GSTO2: variants seen among roughly 807,000 people sequenced by gnomAD.
GSTO2 encodes the protein glutathione S-transferase omega 2.
A neutral mutation model predicts 28.4 loss-of-function variants in GSTO2; 23 were observed. The ratio of observed to expected loss-of-function variants is 0.81; its 90% CI spans 0.58 to 1.15. The LOEUF is 1.15. Among genes scored for constraint, GSTO2 ranks in the 50% most tolerant of loss-of-function variants. The pLI, the probability that GSTO2 is intolerant of heterozygous loss-of-function variation, is 0.00. For missense variants in GSTO2, 298 were observed against 297.8 expected (o/e 1.00, Z 0.00); for synonymous variants, 109 against 111.0 (o/e 0.98, Z 0.11).
Position 104,274,760 on chromosome 10 carries a change from T to C in GSTO2, c.-156T>C. 3.4e-6 allele frequency: 3 copies of C among 875,988 alleles called. No homozygotes were observed. The highest frequency in any genetic ancestry group is 5.0e-5 in the Admixed American group (2 of 39,680). 54.3% of individuals were successfully genotyped at this position (875,988 alleles called of 1,614,324 possible). A position where few individuals can be genotyped will look rare whatever the true frequency, so the allele number is the denominator to read the frequency against. On this transcript the variant is annotated 5_prime_UTR_variant, in exon 2 of 7. Coordinates refer to ENST00000338595, the MANE Select transcript of GSTO2 (RefSeq NM_183239.2). ...TACCCTAGCTCCTGCTCCAGATCGCTTCCCCGTGCCCCGCCAGAGCCCAGT... is the reference window on the plus strand; with the variant it reads ...TACCCTAGCTCCTGCTCCAGATCGCCTCCCCGTGCCCCGCCAGAGCCCAGT...
chr10:104,274,753 A>T lies in GSTO2; in HGVS notation c.-163A>T. The T allele has an allele frequency of 2.5e-6, 2 of 808,452 alleles. No individual in the cohort carries two copies. The highest frequency in any genetic ancestry group is 4.0e-6 in the Non-Finnish European group (2 of 496,906). 50.1% of individuals were successfully genotyped at this position (808,452 alleles called of 1,614,324 possible). On this transcript the variant is annotated 5_prime_UTR_variant, in exon 2 of 7. Transcript: ENST00000338595. ...GTTAAATTACCCTAGCTCCTGCTCC[A>T]GATCGCTTCCCCGTGCCCCGCCAGA...
At chr10:104,281,635 C>T (rs1373423462) in intron 5 of GSTO2, among the ~76,000 whole-genome samples, 1 of 152,200 alleles carries the variant, frequency 6.6e-6, no homozygotes, top group Admixed American at 6.5e-5. Context: ...TACATCATCT[C>T]ATTCAATCTT....
At chr10:104,291,481 A>G (rs930318439) in intron 5 of GSTO2, 2 of 150,510 alleles carry the variant, frequency 1.3e-5, no homozygotes, top group Non-Finnish European at 2.9e-5. Flanking sequence ...TCTCGCGAAA[A>G]CTGCAGATTT....
rs762446344 is a variant in GSTO2 at position 104,275,285 on chromosome 10, T to TA, written c.94_95insA (p.Cys32Ter). 3.1e-6 allele frequency: 5 copies of TA among 1,614,116 alleles called. No homozygotes were observed. The highest frequency in any genetic ancestry group is 4.5e-5 in the East Asian group (2 of 44,872). Reference sequence around the variant, plus strand: ...GATCCGCATCTACAGCATGAGGTTCTGCCCCTATTCTCACAGGACCCGCCT... The same window carrying TA: ...GATCCGCATCTACAGCATGAGGTTCTAGCCCCTATTCTCACAGGACCCGCCT... ...GLIRIYSMRF[C>*]PYSHRTRLVL... The change falls in exon 3 of 7, where the codon TGC (cysteine) becomes TAGC (stop). Residue 32 changes from cysteine to a stop codon, truncating the protein, a stop_gained and frameshift_variant. Transcript: ENST00000338595. LOFTEE classifies it high-confidence loss of function.
intron 1 of GSTO2, among the ~76,000 whole-genome samples, chr10:104,274,446 GTACT>G (rs1033336847): frequency 2.0e-5 from 3 of 152,176 alleles, no homozygotes; most frequent in African/African-American, 7.2e-5. Context: ...TTTTAAAGCT[GTACT>G]TACTTACCAA....
intron 5 of GSTO2, among the ~76,000 whole-genome samples, chr10:104,287,767 G>A (rs929471943): frequency 5.9e-5 from 9 of 151,630 alleles, no homozygotes; most frequent in African/African-American, 2.2e-4. Context: ...AAGTGGTTAA[G>A]GGCAGGGACC....
intron 5 of GSTO2, among the ~76,000 whole-genome samples, chr10:104,282,760 GT>G (rs1308903160): frequency 6.6e-6 from 1 of 152,122 alleles, no homozygotes; most frequent in Non-Finnish European, 1.5e-5. Context: ...TGGTTTCCAA[GT>G]TTGTGGCCGG....
chr10:104,292,964 A>C lies in GSTO2; in HGVS notation c.469-4614A>C, dbSNP rs147576674. The stretch of plus-strand genomic sequence containing the variant: ...ATTTTGCCTCTGCCTCTATCCTAAA[A>C]TTTTTTCAGAGGGGTAAATGCAAGG... On this transcript the variant is annotated intron_variant, in intron 5 of 6. Coordinates refer to ENST00000338595, the MANE Select transcript of GSTO2 (RefSeq NM_183239.2). Among the ~76,000 whole-genome samples the C allele has an allele frequency of 5.4e-3, 816 of 152,308 alleles. 26 individuals are homozygous for C. The highest frequency in any genetic ancestry group is 0.05 in the Admixed American group (758 of 15,288).
At position 104,277,992 on chromosome 10, in the gene GSTO2, A is replaced by C. The variant is rs1173132656; in HGVS notation, c.242A>C (p.Gln81Pro). The change falls in exon 4 of 7, where the codon CAA becomes CCA. Residue 81 changes from glutamine to proline, a missense_variant. Physicochemically the swap from Gln to Pro is moderately conservative, Grantham distance 76 (BLOSUM62 -1). Transcript: ENST00000338595. ...CCTGTCCTGGAGACCAGCCAATGTC[A>C]ACTGATCTATGAATCTGTTATTGCT... is the stretch of plus-strand genomic sequence containing the variant. ...HIPVLETSQC[Q>P]LIYESVIACE... 6.2e-7 allele frequency: 1 copy of C among 1,614,040 alleles called. No homozygotes were observed. The highest frequency in any genetic ancestry group is 2.2e-5 in the East Asian group (1 of 44,884).
chr10:104,303,915 T>C lies in GSTO2; in HGVS notation c.*4631T>C, dbSNP rs1054597489. ...ACATTGTTTCTTGGAGCTTTGGTGG[T>C]GGTAGGGGTGGCAGGGGCAGGTGTT... On this transcript the variant is annotated 3_prime_UTR_variant, in exon 7 of 7. Coordinates refer to ENST00000338595, the MANE Select transcript of GSTO2 (RefSeq NM_183239.2). The C allele has an allele frequency of 3.9e-5, 6 of 152,212 alleles. No individual in the cohort carries two copies. Among genetic ancestry groups the C allele is most frequent in the African/African-American group, 1.4e-4 (6 of 41,440 alleles). 9.4% of individuals were successfully genotyped at this position (152,212 alleles called of 1,614,324 possible).
intron 3 of GSTO2, among the ~76,000 whole-genome samples, chr10:104,275,654 C>T (rs1282470371): frequency 6.6e-6 from 1 of 152,138 alleles, no homozygotes; most frequent in Non-Finnish European, 1.5e-5. Flanking sequence ...CCTGACTGCT[C>T]CACAGAGGTA....
At chr10:104,289,144 G>C (rs2012631147) in intron 5 of GSTO2, among the ~76,000 whole-genome samples, 1 of 152,064 alleles carries the variant, frequency 6.6e-6, no homozygotes, top group African/African-American at 2.4e-5. Flanking sequence ...TGTCACTCAG[G>C]CTGGAGTGCA....
intron 5 of GSTO2, among the ~76,000 whole-genome samples, chr10:104,292,059 A>G (rs1237723088): frequency 1.3e-5 from 2 of 152,152 alleles, no homozygotes; most frequent in East Asian, 3.9e-4. Context: ...TAGAAGCCTT[A>G]TAGGGGATAT....
At chr10:104,289,459 G>C (rs569007942) in intron 5 of GSTO2, among the ~76,000 whole-genome samples, 6 of 152,198 alleles carry the variant, frequency 3.9e-5, no homozygotes, top group Admixed American at 1.3e-4. Context: ...AGAATTTTCA[G>C]AGTGGTCCTT....
chr10:104,274,358 T>C (rs2011532423), intron 1 of GSTO2, among the ~76,000 whole-genome samples: 1 of 152,210 alleles, frequency 6.6e-6, no homozygotes, highest in Non-Finnish European at 1.5e-5. Flanking sequence ...ACTCACTCTC[T>C]GGGGTATGTG....
chr10:104,274,099 A>G (rs1001837137), intron 1 of GSTO2, among the ~76,000 whole-genome samples: 2 of 152,216 alleles, frequency 1.3e-5, no homozygotes, highest in East Asian at 1.9e-4. Flanking sequence ...TCGCCCCTAT[A>G]TGGCTGGGCT....
intron 4 of GSTO2, among the ~76,000 whole-genome samples, chr10:104,278,454 C>T (rs995746567): frequency 3.9e-5 from 6 of 152,132 alleles, no homozygotes; most frequent in South Asian, 2.1e-4. Context: ...TAATGGAGTG[C>T]GAAGATTATG....
intron 5 of GSTO2, among the ~76,000 whole-genome samples, chr10:104,285,229 C>T (rs1002199058): frequency 6.6e-6 from 1 of 152,124 alleles, no homozygotes; most frequent in Admixed American, 6.5e-5. Context: ...TTTATTGATT[C>T]TAAATTTTGC....
intron 1 of GSTO2, among the ~76,000 whole-genome samples, chr10:104,270,117 C>A (rs1280284568): frequency 6.6e-6 from 1 of 152,134 alleles, no homozygotes; most frequent in Non-Finnish European, 1.5e-5. Flanking sequence ...GGGTTCACGC[C>A]ATTCTCCTGC....
Sources: allele counts gnomAD v4.1 joint callset (sites outside exome capture counted in the v4.1 genomes callset), GRCh38; gene constraint gnomAD v4.1.1; transcripts MANE v1.5; gene names NCBI Gene and HGNC (gene_info 2026-07-23, HGNC 2026-07-21).